The following KDM4C variants were observed in gnomAD, a reference collection of about 807,000 sequenced individuals.
KDM4C encodes lysine-specific demethylase 4C.
Under a neutral mutation model 129.3 loss-of-function variants are expected in KDM4C, and 81 were observed. The ratio of observed to expected loss-of-function variants is 0.63; its 90% CI spans 0.52 to 0.75. The LOEUF (loss-of-function observed/expected upper bound fraction) is 0.75. Among genes scored for constraint, KDM4C ranks in the 30% least tolerant of loss-of-function variants. KDM4C has a pLI of 0.00. For missense variants in KDM4C, 1,457 were observed against 1,304.0 expected (o/e 1.12, Z -1.81); for synonymous variants, 573 against 456.1 (o/e 1.26, Z -3.26).
chr9:6,941,063 C>T (rs986414654), intron 8 of KDM4C, among the ~76,000 whole-genome samples: 1 of 151,108 alleles, frequency 6.6e-6, no homozygotes, highest in African/African-American at 2.4e-5. Flanking sequence ...GAAAGTCTTG[C>T]CGTGTCATCC....
At chr9:6,980,887 C>T (rs201536859) in intron 8 of KDM4C, 38 bp from the exon 9 acceptor site, 33 of 1,588,446 alleles carry the variant, frequency 2.1e-5, no homozygotes, top group African/African-American at 1.1e-4. Context: ...GTATAGTTAG[C>T]GAAACGTTTA....
chr9:7,122,249 A>G (rs1283061044), intron 18 of KDM4C, among the ~76,000 whole-genome samples: 1 of 123,938 alleles, frequency 8.1e-6, no homozygotes, highest in African/African-American at 3.2e-5. Context: ...CCACACACAC[A>G]CACACACACA....
In KDM4C at chr9:6,729,134, G is replaced by A. The variant is rs560163537; in HGVS notation, c.49+8137G>A. 4.0e-5 allele frequency among the ~76,000 whole-genome samples: 3 copies of A among 75,118 alleles called. 1 individual carries two copies. In the South Asian group the frequency reaches 1.7e-3, roughly 42 times the overall value. The allele number at this position is 75,118 out of a possible 152,430, so 49.3% of individuals were successfully genotyped here. On this transcript the variant is annotated intron_variant, in intron 1 of 17. Transcript: ENST00000536108. ...GCAGAGAATTGCTTGAACCCGGGAA[G>A]CAGAGGTTGCAGTGAGCCGAGATCA...
At chr9:7,024,649 C>G (rs1321563542) in intron 15 of KDM4C, among the ~76,000 whole-genome samples, 1 of 152,154 alleles carries the variant, frequency 6.6e-6, no homozygotes, top group Non-Finnish European at 1.5e-5. Flanking sequence ...CATGTCCCTG[C>G]AAAGGGCATG....
chr9:6,731,795 C>T (rs757019776), intron 1 of KDM4C, among the ~76,000 whole-genome samples: 1 of 152,154 alleles, frequency 6.6e-6, no homozygotes, highest in Non-Finnish European at 1.5e-5. Flanking sequence ...GCGCCATTTT[C>T]CGTTACCACC....
chr9:7,126,076 T>C (rs1839998462), intron 18 of KDM4C, among the ~76,000 whole-genome samples: 2 of 152,212 alleles, frequency 1.3e-5, no homozygotes, highest in Admixed American at 6.5e-5. Context: ...ACTTAATATG[T>C]GCCAATCACT....
chr9:6,798,697 T>G (rs1416978270), intron 2 of KDM4C, among the ~76,000 whole-genome samples: 2 of 151,264 alleles, frequency 1.3e-5, no homozygotes, highest in Non-Finnish European at 3.0e-5. Context: ...CCTTTCCCCC[T>G]TTTCTATTCC....
intron 17 of KDM4C, among the ~76,000 whole-genome samples, chr9:7,053,533 G>C (rs199876308): frequency 2.0e-5 from 3 of 152,146 alleles, no homozygotes; most frequent in Non-Finnish European, 4.4e-5. Flanking sequence ...TAATGTCACA[G>C]GTGTGGCCTT....
Position 6,782,878 on chromosome 9 carries a change from A to G in KDM4C, c.-17-10094A>G, listed in dbSNP as rs549204910. Among the ~76,000 whole-genome samples the G allele has an allele frequency of 9.8e-5, 15 of 152,312 alleles. No homozygotes were observed. The South Asian group carries it at 2.9e-3, about 29-fold the overall frequency. The stretch of plus-strand genomic sequence containing the variant: ...TCAGCAAAGACTCTTGGGGTGGTTG[A>G]AGAAAAGAACGACAGAAGTCACTCG... On this transcript the variant is annotated intron_variant, in intron 1 of 21. Coordinates refer to ENST00000381309, the MANE Select transcript of KDM4C (RefSeq NM_015061.6).
At chr9:6,820,715 T>TC (rs201459042) in intron 4 of KDM4C, among the ~76,000 whole-genome samples, 9 of 28,904 alleles carry the variant, frequency 3.1e-4, no homozygotes, top group African/African-American at 7.2e-4. Context: ...TCTCTCTCTC[T>TC]TTTTTTTTTT....
rs571244330 is a variant in KDM4C, at chr9:6,906,337, C to A, written c.921+13105C>A. ...GTTTGTGGAAACTCCACAGGGTAAA[C>A]CTCTCCAGGCAACACTATGGAAGGA... is the stretch of plus-strand genomic sequence containing the variant. On this transcript the variant is annotated intron_variant, in intron 8 of 21. Transcript: ENST00000381309. 3.1e-3 allele frequency among the ~76,000 whole-genome samples: 477 copies of A among 152,286 alleles called. 1 individual carries two copies. Among genetic ancestry groups the A allele is most frequent in the Non-Finnish European group, 4.5e-3 (308 of 68,032 alleles).
At chr9:6,768,300 A>T (rs553102611) in intron 1 of KDM4C, among the ~76,000 whole-genome samples, 1 of 150,960 alleles carries the variant, frequency 6.6e-6, no homozygotes, top group Non-Finnish European at 1.5e-5. Context: ...TTGGTGACAG[A>T]TAGGCAGGCC....
At chr9:6,957,499 A>T (rs1219998285) in intron 8 of KDM4C, among the ~76,000 whole-genome samples, 1 of 152,096 alleles carries the variant, frequency 6.6e-6, no homozygotes, top group African/African-American at 2.4e-5. Context: ...CCATGATATT[A>T]GGTAATTTTT....
At chr9:6,811,342 A>T (rs1283306783) in intron 3 of KDM4C, among the ~76,000 whole-genome samples, 1 of 151,916 alleles carries the variant, frequency 6.6e-6, no homozygotes, top group Admixed American at 6.6e-5. Flanking sequence ...TTTAATGGAG[A>T]TGGGGTTTCA....
chr9:6,972,565 A>G (rs1007784377), intron 8 of KDM4C, among the ~76,000 whole-genome samples: 3 of 152,226 alleles, frequency 2.0e-5, no homozygotes, highest in Non-Finnish European at 4.4e-5. Context: ...TTCATATTTT[A>G]AAAGACTGTT....
intron 17 of KDM4C, among the ~76,000 whole-genome samples, chr9:7,055,373 C>T (rs559272363): frequency 2.6e-5 from 4 of 152,278 alleles, no homozygotes; most frequent in African/African-American, 7.2e-5. Flanking sequence ...CCTGGGCATT[C>T]GATGACCTCT....
intron 4 of KDM4C, among the ~76,000 whole-genome samples, chr9:6,816,569 C>T (rs1393326700): frequency 1.3e-5 from 2 of 152,150 alleles, no homozygotes; most frequent in African/African-American, 4.8e-5. Flanking sequence ...ATACCTTATA[C>T]CTTCTTATAT....
chr9:6,876,204 A>G (rs953736387), intron 5 of KDM4C, among the ~76,000 whole-genome samples: 3 of 152,212 alleles, frequency 2.0e-5, no homozygotes, highest in Admixed American at 6.5e-5. Context: ...GGGGGCAGCA[A>G]GTCAGGCTCA....
rs1359939259 is a variant in KDM4C at position 6,738,454 on chromosome 9, G to A, written c.49+17457G>A. Among the ~76,000 whole-genome samples, 11 of 152,232 alleles carry A rather than the reference G, an allele frequency of 7.2e-5. No homozygotes were observed. In the East Asian group the frequency reaches 1.6e-3, roughly 22 times the overall value. On this transcript the variant is annotated intron_variant, in intron 1 of 17. Coordinates refer to the KDM4C transcript ENST00000536108. Reference sequence around the variant, plus strand: ...CATGCCACTGTACTCCAGCTTGGGCGACAGGTCCTCACTCTGTCCCCCAAG... The same window carrying A: ...CATGCCACTGTACTCCAGCTTGGGCAACAGGTCCTCACTCTGTCCCCCAAG...
Sources: allele counts gnomAD v4.1 joint callset (sites outside exome capture counted in the v4.1 genomes callset), GRCh38; gene constraint gnomAD v4.1.1; transcripts MANE v1.5; gene names NCBI Gene and HGNC (gene_info 2026-07-23, HGNC 2026-07-21).